The following ITPRID1 variants were observed in gnomAD, a reference collection of about 807,000 sequenced individuals.
ITPRID1 encodes the protein protein ITPRID1.
A neutral mutation model predicts 95.4 loss-of-function variants in ITPRID1; 96 were observed. The observed-to-expected ratio is 1.01, with a 90% CI of 0.85 to 1.19. ITPRID1 has a LOEUF of 1.19. Ranked by LOEUF, ITPRID1 falls within the 50% of genes most tolerant of loss-of-function variation. ITPRID1 has a pLI of 0.00. For missense variants in ITPRID1, 1,339 were observed against 1,252.9 expected (o/e 1.07, Z -1.04); for synonymous variants, 510 against 453.6 (o/e 1.12, Z -1.58).
chr7:31,582,717 T>G (rs191302143), intron 9 of ITPRID1, among the ~76,000 whole-genome samples: 43 of 152,320 alleles, frequency 2.8e-4, no homozygotes, highest in Admixed American at 2.4e-3. Flanking sequence ...TTCTAGCAAT[T>G]TGGAAACTAA....
intron 10 of ITPRID1, among the ~76,000 whole-genome samples, chr7:31,618,204 C>T (rs1488544406): frequency 6.6e-6 from 1 of 152,222 alleles, no homozygotes; most frequent in African/African-American, 2.4e-5. Flanking sequence ...TCAGCCTTTT[C>T]ACTTCATGTA....
chr7:31,578,473 T>C, intron 9 of ITPRID1, 39 bp downstream of exon 9: 2 of 1,445,378 alleles, frequency 1.4e-6, no homozygotes, highest in Non-Finnish European at 1.9e-6. Flanking sequence ...CTAAGGGAAA[T>C]AACCTTCACT....
At position 31,627,962 on chromosome 7, in the gene ITPRID1, T is replaced by A. The variant is rs138476611; in HGVS notation, c.1229-14214T>A. Among the ~76,000 whole-genome samples the A allele has an allele frequency of 2.0e-3, 299 of 152,302 alleles. 1 individual carries two copies. The highest frequency in any genetic ancestry group is 6.8e-3 in the African/African-American group (284 of 41,566). ...AAGAGAGTTTTAGAAAGGGGCTATT[T>A]ACTGAAGTGGGTGGGATTCAAGGAA... On this transcript the variant is annotated intron_variant, in intron 10 of 14. Coordinates refer to ENST00000615280, the MANE Select transcript of ITPRID1 (RefSeq NM_001257967.3).
intron 10 of ITPRID1, among the ~76,000 whole-genome samples, chr7:31,604,432 C>T (rs1404859805): frequency 4.6e-5 from 7 of 152,086 alleles, no homozygotes; most frequent in Non-Finnish European, 1.0e-4. Context: ...TTTAATGTTG[C>T]TATGTTTGTA....
At chr7:31,566,479 TC>T (rs1405253063) in intron 5 of ITPRID1, among the ~76,000 whole-genome samples, 1 of 152,130 alleles carries the variant, frequency 6.6e-6, no homozygotes, top group Non-Finnish European at 1.5e-5. Context: ...AAATGGGTGT[TC>T]AAAAACTCTC....
At chr7:31,583,292 A>G in intron 10 of ITPRID1, 101 bp downstream of exon 10, 1 of 781,256 alleles carries the variant, frequency 1.3e-6, no homozygotes. Context: ...AATTATCTCT[A>G]GAAGGTACTC....
At chr7:31,577,540 A>G (rs113446004) in intron 8 of ITPRID1, among the ~76,000 whole-genome samples, 16 of 152,344 alleles carry the variant, frequency 1.1e-4, no homozygotes, top group African/African-American at 3.1e-4. Context: ...AATATATGTT[A>G]GTACACAGAT....
chr7:31,557,655 T>C (rs565051414), intron 5 of ITPRID1, among the ~76,000 whole-genome samples: 16 of 152,316 alleles, frequency 1.1e-4, no homozygotes, highest in African/African-American at 3.8e-4. Context: ...TAATGCATAC[T>C]GAGGATGCAC....
rs186386347 is a variant in ITPRID1 at position 31,652,528 on chromosome 7, T to G, written c.2834T>G (p.Val945Gly). The G allele has an allele frequency of 6.3e-6, 10 of 1,596,078 alleles. No homozygotes were observed. Among genetic ancestry groups the G allele is most frequent in the East Asian group, 4.5e-5 (2 of 44,124 alleles). Reference protein sequence around the residue: ...IREGILLQLEVLTAEPPEHYS... With the variant: ...IREGILLQLEGLTAEPPEHYS... ...TTGTTTTCCTTTTAGCAGCTGGAGG[T>G]TCTCACAGCAGAGCCACCTGAACAC... is the stretch of plus-strand genomic sequence containing the variant. The change falls in exon 15 of 15, where the codon GTT (valine) becomes GGT (glycine). Residue 945 changes from valine to glycine, a missense_variant. Physicochemically the swap from Val to Gly is moderately radical, Grantham distance 109 (BLOSUM62 -3). Transcript: ENST00000615280.
chr7:31,587,401 A>C (rs1785662231), intron 10 of ITPRID1, among the ~76,000 whole-genome samples: 4 of 151,872 alleles, frequency 2.6e-5, no homozygotes, highest in African/African-American at 9.7e-5. Flanking sequence ...TGCTTCAAAG[A>C]GAATACAATA....
At chr7:31,559,395 C>A (rs1784554606) in intron 5 of ITPRID1, among the ~76,000 whole-genome samples, 2 of 152,026 alleles carry the variant, frequency 1.3e-5, no homozygotes, top group South Asian at 4.2e-4. Flanking sequence ...ACACAGTTGC[C>A]CACACCTGTA....
chr7:31,625,828 T>TAAA (rs544684335), intron 10 of ITPRID1, among the ~76,000 whole-genome samples: 2,298 of 152,052 alleles, frequency 0.015, 22 homozygotes, highest in Non-Finnish European at 0.024. Context: ...TCTTTTTTTT[T>TAAA]AAATTTTTTC....
intron 1 of ITPRID1, among the ~76,000 whole-genome samples, chr7:31,520,558 TGTGTGTGAGA>T (rs773825759): frequency 0.04 from 3,208 of 80,480 alleles, 39 homozygotes; most frequent in East Asian, 0.1. Flanking sequence ...TGTGTGTGTG[TGTGTGTGAGA>T]GAGAGAGAGA....
At chr7:31,563,925 A>G (rs887073774) in intron 5 of ITPRID1, among the ~76,000 whole-genome samples, 6 of 152,176 alleles carry the variant, frequency 3.9e-5, no homozygotes, top group Non-Finnish European at 8.8e-5. Context: ...TAATTTGCCA[A>G]CTGAGACAAA....
At chr7:31,559,281 G>T (rs971491032) in intron 5 of ITPRID1, among the ~76,000 whole-genome samples, 5 of 152,128 alleles carry the variant, frequency 3.3e-5, no homozygotes, top group African/African-American at 1.2e-4. Flanking sequence ...TGAGCATCAT[G>T]TTCTTCTTCT....
chr7:31,602,414 A>T (rs1786433476), intron 10 of ITPRID1, among the ~76,000 whole-genome samples: 1 of 152,076 alleles, frequency 6.6e-6, no homozygotes, highest in Admixed American at 6.6e-5. Flanking sequence ...TTTACCATAC[A>T]CATATGCTGG....
chr7:31,656,122 T>C lies in ITPRID1; in HGVS notation c.*3293T>C, dbSNP rs577985284. The C allele has an allele frequency of 4.3e-6, 3 of 701,792 alleles. No individual in the cohort carries two copies. The highest frequency in any genetic ancestry group is 1.3e-4 in the East Asian group (1 of 7,474). The allele number at this position is 701,792 out of a possible 1,614,324, so 43.5% of individuals were successfully genotyped here. On this transcript the variant is annotated 3_prime_UTR_variant, in exon 15 of 15. Coordinates refer to ENST00000615280, the MANE Select transcript of ITPRID1 (RefSeq NM_001257967.3). ...TGATCCTTATTTTTTGAAACTCCTA[T>C]ATCACTTTGCTTTTTTGTTAAAACA...
chr7:31,595,500 C>A (rs1364288251), intron 10 of ITPRID1, among the ~76,000 whole-genome samples: 3 of 152,132 alleles, frequency 2.0e-5, no homozygotes, highest in Non-Finnish European at 4.4e-5. Flanking sequence ...TACTTGGGGG[C>A]TGGGTCCTCC....
At chr7:31,601,505 G>T (rs1301408448) in intron 10 of ITPRID1, among the ~76,000 whole-genome samples, 1 of 152,150 alleles carries the variant, frequency 6.6e-6, no homozygotes, top group African/African-American at 2.4e-5. Context: ...GCTCTGACTT[G>T]CCTTGAATCC....
Sources: gnomAD v4.1 joint callset for allele counts (sites outside exome capture counted in the v4.1 genomes callset) on GRCh38, gnomAD v4.1.1 for gene constraint, MANE v1.5 for transcripts, NCBI Gene and HGNC (gene_info 2026-07-23, HGNC 2026-07-21) for gene names.